Variants in SLCO1A2 observed in about 807,000 individuals in gnomAD.
SLCO1A2 encodes OATP-1.
SLCO1A2 carries 67 observed loss-of-function variants against 69.0 expected under a neutral mutation model. That is an observed-to-expected ratio of 0.97 (90% CI 0.80 to 1.19). The LOEUF (loss-of-function observed/expected upper bound fraction) is 1.19. SLCO1A2 is among the 50% of genes most tolerant of loss of function. The pLI is 0.00. For synonymous variants in SLCO1A2, 260 were observed against 265.9 expected (o/e 0.98, Z 0.22); for missense variants, 787 against 793.7 (o/e 0.99, Z 0.10).
chr12:21,332,601 G>A (rs1437398098), intron 2 of SLCO1A2, among the ~76,000 whole-genome samples: 1 of 152,030 alleles, frequency 6.6e-6, no homozygotes, highest in African/African-American at 2.4e-5. Context: ...CCAAGAGGAG[G>A]TCCATTCAGT....
At chr12:21,302,086 A>T (rs187876196) in intron 6 of SLCO1A2, among the ~76,000 whole-genome samples, 1 of 151,078 alleles carries the variant, frequency 6.6e-6, no homozygotes, top group Non-Finnish European at 1.5e-5. Flanking sequence ...TCTACCAAAT[A>T]CTCCCTCTCT....
chr12:21,355,780 G>A (rs895509755), intron 2 of SLCO1A2, among the ~76,000 whole-genome samples: 1 of 152,064 alleles, frequency 6.6e-6, no homozygotes, highest in Non-Finnish European at 1.5e-5. Context: ...AAGTTTAAAA[G>A]AAAATTTGTA....
chr12:21,417,146 T>C (rs1268970206), intron 1 of SLCO1A2, among the ~76,000 whole-genome samples: 2 of 151,104 alleles, frequency 1.3e-5, no homozygotes, highest in African/African-American at 4.9e-5. Flanking sequence ...AAGAAACTAG[T>C]GAAAGAAACA....
At chr12:21,374,796 TTTTTA>T (rs1181279215) in intron 1 of SLCO1A2, among the ~76,000 whole-genome samples, 2 of 151,408 alleles carry the variant, frequency 1.3e-5, no homozygotes, top group Admixed American at 6.6e-5. Context: ...CCCTCTCTTT[TTTTTA>T]TTTTATTTTG....
chr12:21,408,685 T>C (rs1214736943), intron 1 of SLCO1A2, among the ~76,000 whole-genome samples: 2 of 151,744 alleles, frequency 1.3e-5, no homozygotes, highest in South Asian at 2.1e-4. Context: ...GAAGCAGCTA[T>C]GAAGATGTTT....
intron 2 of SLCO1A2, among the ~76,000 whole-genome samples, chr12:21,369,499 T>C (rs1200114313): frequency 6.6e-6 from 1 of 152,372 alleles, no homozygotes; most frequent in East Asian, 1.9e-4. Flanking sequence ...AAGTCACTTA[T>C]GTTCTTTGAA....
In SLCO1A2 at chr12:21,334,584, A is replaced by G. The variant is rs201013124; in HGVS notation, c.60+4T>C. 812 of 1,605,558 alleles carry G rather than the reference A, an allele frequency of 5.1e-4. 3 individuals are homozygous for G. The Middle Eastern group carries it at 9.8e-3, about 19-fold the overall frequency. On this transcript the variant is annotated splice_donor_region_variant and intron_variant, in intron 2 of 14. Coordinates refer to ENST00000683939, the MANE Select transcript of SLCO1A2 (RefSeq NM_001386879.1). ...ACATATATCCACATACAAAAATTCC[A>G]TACCTTCAACTTGGAAAGACATCTT...
chr12:21,271,885 T>C (rs150823088), intron 14 of SLCO1A2, among the ~76,000 whole-genome samples: 1 of 149,650 alleles, frequency 6.7e-6, no homozygotes, highest in African/African-American at 2.4e-5. Flanking sequence ...TACATATGTG[T>C]ATATATATTT....
At chr12:21,327,173 G>C (rs1378794655) in intron 2 of SLCO1A2, among the ~76,000 whole-genome samples, 1 of 152,176 alleles carries the variant, frequency 6.6e-6, no homozygotes, top group Non-Finnish European at 1.5e-5. Flanking sequence ...TCAAGCTTTG[G>C]TTGGGCCTGC....
intron 4 of SLCO1A2, among the ~76,000 whole-genome samples, chr12:21,311,984 G>A (rs545371082): frequency 6.6e-6 from 1 of 150,824 alleles, no homozygotes; most frequent in South Asian, 2.1e-4. Context: ...GGAGGAGGAG[G>A]AGGAAGAGGA....
At chr12:21,373,949 T>C (rs12300126) in intron 2 of SLCO1A2, among the ~76,000 whole-genome samples, 38,194 of 152,058 alleles carry the variant, frequency 0.25, 5,755 homozygotes, top group African/African-American at 0.43. Flanking sequence ...AGAAATGAAA[T>C]CTAAAAGAAG....
At chr12:21,362,594 C>T (rs893381237) in intron 2 of SLCO1A2, among the ~76,000 whole-genome samples, 16 of 152,110 alleles carry the variant, frequency 1.1e-4, no homozygotes, top group Non-Finnish European at 4.4e-5. Context: ...AATTAGAAGA[C>T]ACAGACTGGC....
intron 2 of SLCO1A2, among the ~76,000 whole-genome samples, chr12:21,370,721 T>C (rs1272595839): frequency 2.0e-5 from 3 of 152,154 alleles, no homozygotes; most frequent in Non-Finnish European, 1.5e-5. Flanking sequence ...AAGCAAGTAT[T>C]TTTGTCTAAA....
chr12:21,294,002 T>C lies in SLCO1A2; in HGVS notation c.1380A>G (p.Ser460=), dbSNP rs11568574. The change falls in exon 11 of 15, where the codon TCA becomes TCG. Residue 460 remains serine, a synonymous_variant. Transcript: ENST00000683939. ...AACCAGCAAGACAAGCTGACAGATA[T>C]GACAAGCCATTGTTTCCACACACAG... ...WDPVCGNNGL[S]YLSACLAGCE... 2,941 of 1,613,204 alleles carry C rather than the reference T, an allele frequency of 1.8e-3. 30 individuals are homozygous for C. The African/African-American group carries it at 0.031, about 17-fold the overall frequency.
intron 2 of SLCO1A2, among the ~76,000 whole-genome samples, chr12:21,344,999 A>G (rs1295002238): frequency 6.6e-6 from 1 of 152,034 alleles, no homozygotes; most frequent in Non-Finnish European, 1.5e-5. Context: ...GTTTATTCAT[A>G]TAAACTCCAT....
At position 21,292,160 on chromosome 12, in the gene SLCO1A2, G is replaced by A; in HGVS notation, c.1610+4C>T. 6.5e-7 allele frequency: 1 copy of A among 1,542,218 alleles called. No individual in the cohort carries two copies. The highest frequency in any genetic ancestry group is 8.7e-7 in the Non-Finnish European group (1 of 1,148,926). ...AAATATAAATAAAGAAAATAATTTT[G>A]TACCTCAAGAGAACCATATATCCAG... On this transcript the variant is annotated splice_donor_region_variant and intron_variant, in intron 12 of 14. Coordinates refer to ENST00000683939, the MANE Select transcript of SLCO1A2 (RefSeq NM_001386879.1).
At chr12:21,399,961 C>T (rs540100633), upstream of SLCO1A2, among the ~76,000 whole-genome samples, 783 of 152,066 alleles carry the variant, frequency 5.1e-3, 5 homozygotes, top group African/African-American at 0.018. Flanking sequence ...AGGACATAGG[C>T]ATTGGCAAGG....
At chr12:21,294,225 A>T in intron 10 of SLCO1A2, 115 bp from the exon 11 acceptor site, 1 of 839,478 alleles carries the variant, frequency 1.2e-6, no homozygotes, top group Non-Finnish European at 1.8e-6. Flanking sequence ...AGAAAGAGAA[A>T]TTTTCCAGTC....
intron 1 of SLCO1A2, among the ~76,000 whole-genome samples, chr12:21,415,126 T>C (rs891962145): frequency 6.6e-6 from 1 of 152,122 alleles, no homozygotes; most frequent in African/African-American, 2.4e-5. Context: ...TCTTTAATTA[T>C]TGATATACTT....
Sources: allele counts gnomAD v4.1 joint callset (sites outside exome capture counted in the v4.1 genomes callset), GRCh38; gene constraint gnomAD v4.1.1; transcripts MANE v1.5; gene names NCBI Gene and HGNC (gene_info 2026-07-23, HGNC 2026-07-21).